Variants in AP2S1 observed in about 807,000 individuals in gnomAD.
AP2S1 encodes adaptor related protein complex 2 subunit sigma 1, also known as AP-2 complex subunit sigma.
In AP2S1, 6 loss-of-function variants were observed where a neutral mutation model predicts 21.0. The observed-to-expected ratio is 0.29, with a 90% confidence interval of 0.16 to 0.56. The LOEUF is 0.56. Among genes scored for constraint, AP2S1 ranks in the 20% least tolerant of loss-of-function variants. The pLI, the probability that AP2S1 is intolerant of heterozygous loss-of-function variation, is 0.92. For synonymous variants in AP2S1, 63 were observed against 74.6 expected (o/e 0.84, Z 0.80); for missense variants, 60 against 186.2 (o/e 0.32, Z 3.95).
chr19:46,847,824 G>A (rs571352744), intron 1 of AP2S1, among the ~76,000 whole-genome samples: 5 of 152,258 alleles, frequency 3.3e-5, no homozygotes, highest in African/African-American at 1.2e-4. Flanking sequence ...GGATAAGGCC[G>A]TACTTCGGGC....
intron 2 of AP2S1, among the ~76,000 whole-genome samples, chr19:46,842,498 A>G (rs1447773956): frequency 6.6e-6 from 1 of 152,186 alleles, no homozygotes; most frequent in Non-Finnish European, 1.5e-5. Context: ...CAAAGGAACA[A>G]CTGAATGAAT....
chr19:46,850,354 G>A, intron 1 of AP2S1: 4 of 1,243,098 alleles, frequency 3.2e-6, no homozygotes, highest in Non-Finnish European at 4.0e-6. Flanking sequence ...CTTTTCCAAG[G>A]TCTCGCGTTC....
At chr19:46,850,073 A>ATC in intron 1 of AP2S1, 2 of 1,186,640 alleles carry the variant, frequency 1.7e-6, no homozygotes, top group Non-Finnish European at 2.1e-6. Context: ...ACCCCACAAG[A>ATC]TCTCTCCTCT....
chr19:46,842,662 C>T (rs1408028990), intron 2 of AP2S1, among the ~76,000 whole-genome samples: 1 of 152,154 alleles, frequency 6.6e-6, no homozygotes, highest in Non-Finnish European at 1.5e-5. Flanking sequence ...AGCACAGGAC[C>T]AGCCACTACA....
chr19:46,840,720 ATTTTTTTT>A (rs781138883), intron 2 of AP2S1, among the ~76,000 whole-genome samples: 2 of 110,724 alleles, frequency 1.8e-5, no homozygotes, highest in South Asian at 2.9e-4. Flanking sequence ...AGTCTTCGGC[ATTTTTTTT>A]TTTTTTTTTT....
intron 1 of AP2S1, chr19:46,850,193 G>A: frequency 8.1e-7 from 1 of 1,232,456 alleles, no homozygotes; most frequent in Non-Finnish European, 1.0e-6. Context: ...ATTCCCTACA[G>A]TTGCCTCCTT....
intron 3 of AP2S1, 59 bp downstream of exon 3, chr19:46,839,406 G>A: frequency 6.3e-7 from 1 of 1,586,344 alleles, no homozygotes; most frequent in Non-Finnish European, 8.6e-7. Context: ...CCCAGGCCTT[G>A]GGGGCCACTC....
chr19:46,838,570 G>C lies in AP2S1; in HGVS notation c.328-22C>G. 1 of 1,613,118 alleles carries C rather than the reference G, an allele frequency of 6.2e-7. No homozygotes were observed. Among genetic ancestry groups the C allele is most frequent in the Admixed American group, 1.7e-5 (1 of 60,016 alleles). ...AAACCTGTGTGAGGGGAGACCCTGG[G>C]GTGAGACGAGGCCCCCCAGGATGCT... On this transcript the variant is annotated intron_variant, in intron 4 of 4. Coordinates refer to ENST00000263270, the MANE Select transcript of AP2S1 (RefSeq NM_004069.6). The surrounding 1 kb of genome is among the most constrained non-coding windows in gnomAD (Gnocchi z 4.1).
At chr19:46,839,286 C>CAAAAAAAAAAAAAAAAAAAAAAA (rs771792607) in intron 3 of AP2S1, among the ~76,000 whole-genome samples, 179 bp downstream of exon 3, 14 of 72,920 alleles carry the variant, frequency 1.9e-4, no homozygotes, top group African/African-American at 5.1e-4. Context: ...GACTCCGTCT[C>CAAAAAAAAAAAAAAAAAAAAAAA]AAAAAAAAAA....
intron 2 of AP2S1, among the ~76,000 whole-genome samples, chr19:46,840,662 G>C (rs917722894): frequency 1.3e-5 from 2 of 151,388 alleles, no homozygotes; most frequent in Non-Finnish European, 2.9e-5. Context: ...CTCTAGGTCT[G>C]GGGTGTGCCT....
In AP2S1 at chr19:46,838,585, C is replaced by T. The variant is rs762448820; in HGVS notation, c.328-37G>A. ...GAGACCCTGGGGTGAGACGAGGCCC[C>T]CCAGGATGCTGGCCCGGACCCTGGA... On this transcript the variant is annotated intron_variant, in intron 4 of 4. Coordinates refer to ENST00000263270, the MANE Select transcript of AP2S1 (RefSeq NM_004069.6). The surrounding 1 kb of genome is among the most constrained non-coding windows in gnomAD (Gnocchi z 4.1). 1.3e-5 allele frequency: 21 copies of T among 1,610,226 alleles called. No individual in the cohort carries two copies. Among genetic ancestry groups the T allele is most frequent in the Admixed American group, 8.3e-5 (5 of 59,964 alleles).
chr19:46,842,199 C>G (rs1385175144), intron 2 of AP2S1, among the ~76,000 whole-genome samples: 3 of 151,900 alleles, frequency 2.0e-5, no homozygotes, highest in Non-Finnish European at 2.9e-5. Context: ...ATAATAATAA[C>G]AAGAGGGATA....
intron 2 of AP2S1, among the ~76,000 whole-genome samples, chr19:46,842,893 C>G (rs2055550727): frequency 6.6e-6 from 1 of 152,150 alleles, no homozygotes; most frequent in Admixed American, 6.6e-5. Context: ...GGTCTATCCT[C>G]ACTTCCCCGG....
chr19:46,846,012 T>C lies in AP2S1; in HGVS notation c.134A>G (p.Lys45Arg). Residue 45 changes from lysine (K) to arginine (R), a missense_variant, in exon 2 of 5, where the codon AAA becomes AGA. By Grantham distance (26) the Lys-to-Arg change is conservative (BLOSUM62 2). Transcript: ENST00000263270. ...CGTCACCTCCACAAAGTTGGTGTGTTTGGCGTCTCGGACGGTGACCACGGC... is the reference window on the plus strand; with the variant it reads ...CGTCACCTCCACAAAGTTGGTGTGTCTGGCGTCTCGGACGGTGACCACGGC... Reference protein sequence around the residue: ...VHAVVTVRDAKHTNFVEFRNF... With the variant: ...VHAVVTVRDARHTNFVEFRNF... The C allele has an allele frequency of 6.2e-7, 1 of 1,614,054 alleles. No homozygotes were observed. The highest frequency in any genetic ancestry group is 8.5e-7 in the Non-Finnish European group (1 of 1,180,004).
At chr19:46,850,621 T>C (rs1432358197) in intron 1 of AP2S1, 143 bp downstream of exon 1, 1 of 789,966 alleles carries the variant, frequency 1.3e-6, no homozygotes, top group Non-Finnish European at 2.0e-6. Flanking sequence ...TTCCCGGCCC[T>C]GGATCGGTCC....
intron 2 of AP2S1, among the ~76,000 whole-genome samples, chr19:46,841,600 GTC>G: frequency 6.6e-6 from 1 of 152,202 alleles, no homozygotes; most frequent in East Asian, 1.9e-4. Context: ...CTGGGGATGG[GTC>G]TGTCTCCCCA....
chr19:46,838,930 A>T lies in AP2S1; in HGVS notation c.268-131T>A. 1 of 728,926 alleles carries T rather than the reference A, an allele frequency of 1.4e-6. No individual in the cohort carries two copies. Among genetic ancestry groups the T allele is most frequent in the South Asian group, 1.8e-5 (1 of 56,900 alleles). 45.2% of individuals were successfully genotyped at this position (728,926 alleles called of 1,614,324 possible). A position where few individuals can be genotyped will look rare whatever the true frequency, so the allele number is the denominator to read the frequency against. On this transcript the variant is annotated intron_variant, in intron 3 of 4. Coordinates refer to ENST00000263270, the MANE Select transcript of AP2S1 (RefSeq NM_004069.6). The surrounding 1 kb of genome is among the most constrained non-coding windows in gnomAD (Gnocchi z 4.1). ...AGGGGGAGGCAGGGGAGAGAGAGAG[A>T]CAGTGACAGGGAGAGAGGCAAGGAG...
chr19:46,844,192 C>T lies in AP2S1; in HGVS notation c.153+1801G>A, dbSNP rs145749862. ...TGCTGGGATTACAGGAGTGAGCCAC[C>T]GCGCCCGGCCGGCAAAAACAACTTT... On this transcript the variant is annotated intron_variant, in intron 2 of 4. Transcript: ENST00000263270. Among the ~76,000 whole-genome samples the T allele has an allele frequency of 6.5e-4, 99 of 152,108 alleles. 1 individual carries two copies. In the East Asian group the frequency reaches 0.012, roughly 18 times the overall value.
intron 2 of AP2S1, among the ~76,000 whole-genome samples, chr19:46,843,497 G>A (rs62136770): frequency 2.9e-3 from 441 of 152,240 alleles, no homozygotes; most frequent in Non-Finnish European, 4.1e-3. Flanking sequence ...TGCGGTGGGC[G>A]GATCGCTGGA....
Sources: allele counts gnomAD v4.1 joint callset (sites outside exome capture counted in the v4.1 genomes callset), GRCh38; gene constraint gnomAD v4.1.1; non-coding constraint Gnocchi (gnomAD v3.1); transcripts MANE v1.5; gene names NCBI Gene and HGNC (gene_info 2026-07-23, HGNC 2026-07-21).